Variants in RAB3GAP1 observed in about 807,000 individuals in gnomAD.
RAB3GAP1 encodes the protein RAB3 GTPase activating protein catalytic subunit 1.
RAB3GAP1 carries 86 observed loss-of-function variants against 130.7 expected under a neutral mutation model. That is an observed-to-expected ratio of 0.66 (90% CI 0.55 to 0.79). The LOEUF is 0.79. Ranked by LOEUF, RAB3GAP1 falls within the 30% of genes least tolerant of loss-of-function variation. The pLI, the probability that RAB3GAP1 is intolerant of heterozygous loss-of-function variation, is 0.00. For missense variants in RAB3GAP1, 1,029 were observed against 1,169.4 expected, an observed-to-expected ratio of 0.88 and a Z score of 1.75; for synonymous variants, 367 against 401.7, an observed-to-expected ratio of 0.91 and a Z score of 1.03.
intron 19 of RAB3GAP1, among the ~76,000 whole-genome samples, chr2:135,155,270 A>G (rs1453833336): frequency 1.3e-5 from 2 of 152,122 alleles, no homozygotes; most frequent in African/African-American, 4.8e-5. Flanking sequence ...ACTAAATTAC[A>G]AGAGGCCCAA....
rs368834640 is a variant in RAB3GAP1 at position 135,075,209 on chromosome 2, GTTCT to G, written c.151-15782_151-15779del. 1.2e-3 allele frequency among the ~76,000 whole-genome samples: 182 copies of G among 152,236 alleles called. 2 individuals carry two copies. Among genetic ancestry groups the G allele is most frequent in the East Asian group, 6.2e-3 (32 of 5,188 alleles). On this transcript the variant is annotated intron_variant, in intron 3 of 23. Transcript: ENST00000264158. ...GGAGCCAGTCCCCACTGTTTCCCTT[GTTCT>G]TTCTTTTCTACTTTTTGAGTAACAA...
At chr2:135,090,888 A>G in intron 3 of RAB3GAP1, 110 bp from the exon 4 acceptor site, 1 of 933,836 alleles carries the variant, frequency 1.1e-6, no homozygotes, top group South Asian at 1.4e-5. Flanking sequence ...CTTTGATTGT[A>G]TGGAGGATAT....
In RAB3GAP1 at chr2:135,052,439, G is replaced by C. The variant is rs773450469; in HGVS notation, c.28G>C (p.Glu10Gln). 2 of 1,613,930 alleles carry C rather than the reference G, an allele frequency of 1.2e-6. No individual in the cohort carries two copies. The highest frequency in any genetic ancestry group is 1.3e-5 in the African/African-American group (1 of 74,900). Residue 10 changes from glutamate (E) to glutamine (Q), a missense_variant, in exon 2 of 24, where the codon GAG becomes CAG. By Grantham distance (29) the Glu-to-Gln change is conservative. Coordinates refer to ENST00000264158, the MANE Select transcript of RAB3GAP1 (RefSeq NM_012233.3). The part of the protein sequence containing the change: MAADSEPES[E>Q]VFEITDFTTA... ...CTTCCCCTTCCCGCAGCCCGAATCC[G>C]AGGTATTTGAGATCACGGACTTCAC...
chr2:135,130,456 A>G (rs1691499734), intron 12 of RAB3GAP1, 96 bp from the exon 13 acceptor site: 2 of 1,040,946 alleles, frequency 1.9e-6, no homozygotes, highest in African/African-American at 1.6e-5. Flanking sequence ...AGTAAAAAGA[A>G]TGAGTAAAAT....
rs543312144 is a variant in RAB3GAP1, at chr2:135,067,534, C to T, written c.150+9448C>T. Among the ~76,000 whole-genome samples the T allele has an allele frequency of 2.4e-4, 37 of 152,254 alleles. No homozygotes were observed. In the South Asian group the frequency reaches 4.1e-3, roughly 17 times the overall value. The stretch of plus-strand genomic sequence containing the variant: ...GGAATCTTGCTGTTATTGTTGTCAA[C>T]ATTTTTATTGTAATATAAAAATGGC... On this transcript the variant is annotated intron_variant, in intron 3 of 23. Transcript: ENST00000264158.
At chr2:135,072,729 C>T (rs2104844423) in intron 3 of RAB3GAP1, among the ~76,000 whole-genome samples, 1 of 152,304 alleles carries the variant, frequency 6.6e-6, no homozygotes, top group Admixed American at 6.5e-5. Context: ...GATCCTTTCT[C>T]ATATAAAGTA....
intron 17 of RAB3GAP1, among the ~76,000 whole-genome samples, chr2:135,144,144 A>G (rs903035695): frequency 1.3e-5 from 2 of 152,150 alleles, no homozygotes; most frequent in African/African-American, 4.8e-5. Context: ...AGCGTGCCCT[A>G]ACCCACTTGT....
At chr2:135,064,102 C>T (rs1199624514) in intron 3 of RAB3GAP1, among the ~76,000 whole-genome samples, 1 of 152,092 alleles carries the variant, frequency 6.6e-6, no homozygotes, top group Non-Finnish European at 1.5e-5. Flanking sequence ...TTGTTTTTCT[C>T]TGGCTGCTTT....
intron 2 of RAB3GAP1, among the ~76,000 whole-genome samples, chr2:135,056,309 T>C (rs1284632038): frequency 6.6e-6 from 1 of 152,006 alleles, no homozygotes; most frequent in Non-Finnish European, 1.5e-5. Context: ...TTCAACCAAT[T>C]CTCCTGCATC....
intron 8 of RAB3GAP1, among the ~76,000 whole-genome samples, chr2:135,122,117 G>A: frequency 6.6e-6 from 1 of 151,856 alleles, no homozygotes; most frequent in Middle Eastern, 3.4e-3. Flanking sequence ...AAAAATTAAT[G>A]TAATATATCC....
chr2:135,085,540 G>A (rs901955826), intron 3 of RAB3GAP1, among the ~76,000 whole-genome samples: 5 of 152,180 alleles, frequency 3.3e-5, no homozygotes, highest in Admixed American at 2.0e-4. Context: ...GCCCTCCAAA[G>A]TTATGGCTTA....
intron 3 of RAB3GAP1, among the ~76,000 whole-genome samples, chr2:135,064,691 GT>G (rs991061038): frequency 8.4e-5 from 9 of 107,120 alleles, no homozygotes; most frequent in Admixed American, 8.7e-5. Context: ...TGTTGATTAT[GT>G]TTTTTTTTTT....
chr2:135,082,723 G>A (rs1318412809), intron 3 of RAB3GAP1, among the ~76,000 whole-genome samples: 3 of 151,856 alleles, frequency 2.0e-5, no homozygotes, highest in Non-Finnish European at 4.4e-5. Flanking sequence ...TTACAGGCGC[G>A]AGCCACCGTG....
chr2:135,174,160 G>T (rs561426469), downstream of RAB3GAP1, among the ~76,000 whole-genome samples: 34 of 152,324 alleles, frequency 2.2e-4, no homozygotes, highest in Middle Eastern at 3.4e-3. Flanking sequence ...CTCCAAAGTG[G>T]AAAGTCCCCC....
At chr2:135,151,142 T>C (rs929560288) in intron 18 of RAB3GAP1, among the ~76,000 whole-genome samples, 2 of 152,242 alleles carry the variant, frequency 1.3e-5, no homozygotes, top group Non-Finnish European at 2.9e-5. Context: ...GACATTTGGC[T>C]TATTAGCTTA....
intron 17 of RAB3GAP1, among the ~76,000 whole-genome samples, chr2:135,137,785 C>T (rs573038168): frequency 3.6e-4 from 55 of 151,892 alleles, no homozygotes; most frequent in African/African-American, 1.3e-3. Flanking sequence ...TCAACAACAA[C>T]AGCAGCAATA....
chr2:135,119,003 A>G (rs1453155781), intron 7 of RAB3GAP1, among the ~76,000 whole-genome samples: 1 of 151,976 alleles, frequency 6.6e-6, no homozygotes, highest in Non-Finnish European at 1.5e-5. Context: ...ATGTGCCTTG[A>G]ACCCCACTTA....
At chr2:135,139,451 G>A (rs894042334) in intron 17 of RAB3GAP1, among the ~76,000 whole-genome samples, 1 of 151,892 alleles carries the variant, frequency 6.6e-6, no homozygotes, top group Non-Finnish European at 1.5e-5. Context: ...TCAGGTGGGA[G>A]GATGGCTTGG....
intron 7 of RAB3GAP1, among the ~76,000 whole-genome samples, chr2:135,117,690 T>TCTG (rs1372951270): frequency 3.7e-5 from 5 of 134,630 alleles, no homozygotes; most frequent in African/African-American, 1.2e-4. Flanking sequence ...TTCTGCTTCT[T>TCTG]CTTCTGCTTC....
Sources: gnomAD v4.1 joint callset for allele counts (sites outside exome capture counted in the v4.1 genomes callset) on GRCh38, gnomAD v4.1.1 for gene constraint, MANE v1.5 for transcripts, NCBI Gene and HGNC (gene_info 2026-07-23, HGNC 2026-07-21) for gene names.